Variants in ROBO2 observed in about 807,000 individuals in gnomAD.
The protein encoded by ROBO2 is roundabout homolog 2.
Under a neutral mutation model 160.8 loss-of-function variants are expected in ROBO2, and 53 were observed. The ratio of observed to expected loss-of-function variants is 0.33; its 90% confidence interval spans 0.26 to 0.41. The LOEUF is 0.41. Among genes scored for constraint, ROBO2 ranks in the 10% least tolerant of loss-of-function variants. The pLI is 1.00. For missense variants in ROBO2, 1,577 were observed against 1,722.4 expected (o/e 0.92, Z 1.49); for synonymous variants, 664 against 611.7 (o/e 1.09, Z -1.26).
intron 14 of ROBO2, among the ~76,000 whole-genome samples, chr3:77,576,017 G>A (rs1330855319): frequency 6.6e-6 from 1 of 152,066 alleles, no homozygotes; most frequent in African/African-American, 2.4e-5. Context: ...TCTGTAGAAC[G>A]AAGCTGAGTC....
chr3:75,967,943 A>T (rs1051241776), intron 2 of ROBO2, among the ~76,000 whole-genome samples: 1 of 151,640 alleles, frequency 6.6e-6, no homozygotes, highest in Non-Finnish European at 1.5e-5. Flanking sequence ...CATACAGCAA[A>T]TGCTCAATTA....
intron 2 of ROBO2, among the ~76,000 whole-genome samples, chr3:76,598,170 C>T (rs753171189): frequency 6.6e-6 from 1 of 150,872 alleles, no homozygotes; most frequent in Non-Finnish European, 1.5e-5. Context: ...AAAAGGCGAG[C>T]CCAAAAGGTT....
intron 2 of ROBO2, among the ~76,000 whole-genome samples, chr3:76,637,434 AT>A (rs1169114364): frequency 9.5e-5 from 14 of 147,512 alleles, no homozygotes; most frequent in Admixed American, 1.4e-4. Context: ...AAAAAAAAAA[AT>A]GAAAAAAAAA....
At chr3:76,873,057 C>T (rs1332088750) in intron 2 of ROBO2, among the ~76,000 whole-genome samples, 1 of 152,088 alleles carries the variant, frequency 6.6e-6, no homozygotes, top group Non-Finnish European at 1.5e-5. Context: ...TCTTATATTT[C>T]TAACTCTTAC....
At chr3:76,216,715 AC>A (rs1229193269) in intron 2 of ROBO2, among the ~76,000 whole-genome samples, 1 of 152,164 alleles carries the variant, frequency 6.6e-6, no homozygotes. Context: ...ATAATGGGAG[AC>A]TTTAACACCC....
At chr3:77,344,713 A>G (rs935634402) in intron 2 of ROBO2, among the ~76,000 whole-genome samples, 1 of 152,124 alleles carries the variant, frequency 6.6e-6, no homozygotes, top group African/African-American at 2.4e-5. Context: ...AAAAAATAGT[A>G]AGATCAGCAG....
rs1190874497 is a variant in ROBO2 at position 77,410,531 on chromosome 3, CTCCTCCTCTTCT to C, written c.389-66850_389-66839del. ...CCTCCTCTTCCTCCTCCTCCTCTTC[CTCCTCCTCTTCT>C]TCCTCCTCTTCTTCCTCCTCTTCTT... On this transcript the variant is annotated intron_variant, in intron 2 of 25. Coordinates refer to ENST00000461745, the Ensembl canonical transcript of ROBO2. Among the ~76,000 whole-genome samples, 36 of 117,076 alleles carry C rather than the reference CTCCTCCTCTTCT, an allele frequency of 3.1e-4. 1 individual carries two copies. Among genetic ancestry groups the C allele is most frequent in the South Asian group, 5.9e-4 (2 of 3,366 alleles). The allele number at this position is 117,076 out of a possible 152,430, so 76.8% of individuals were successfully genotyped here. A position where few individuals can be genotyped will look rare whatever the true frequency, so the allele number is the denominator to read the frequency against.
In ROBO2 at chr3:76,705,809, A is replaced by G. The variant is rs192647084; in HGVS notation, c.110-392205A>G. On this transcript the variant is annotated intron_variant, in intron 2 of 26. Coordinates refer to the ROBO2 transcript ENST00000487694. The stretch of plus-strand genomic sequence containing the variant: ...TCTTTCTATTTGCATAAAGTTATTG[A>G]TTAAATTTCCTATGCCACAGTTGAA... Among the ~76,000 whole-genome samples, 322 of 152,244 alleles carry G rather than the reference A, an allele frequency of 2.1e-3. 1 individual carries two copies. The highest frequency in any genetic ancestry group is 8.2e-3 in the Admixed American group (125 of 15,266).
chr3:76,812,909 A>ATTTTTTTTTTTTTTT (rs71104626), intron 2 of ROBO2, among the ~76,000 whole-genome samples: 50 of 104,656 alleles, frequency 4.8e-4, no homozygotes, highest in African/African-American at 1.8e-3. Flanking sequence ...AGAAGTATAA[A>ATTTTTTTTTTTTTTT]TTTTTTTTTT....
At position 77,608,055 on chromosome 3, in the gene ROBO2, C is replaced by T; in HGVS notation, c.3293+101C>T. 2.8e-6 allele frequency: 3 copies of T among 1,087,906 alleles called. No homozygotes were observed. The South Asian group carries it at 4.0e-5, about 14-fold the overall frequency. The allele number at this position is 1,087,906 out of a possible 1,614,324, so 67.4% of individuals were successfully genotyped here. A position where few individuals can be genotyped will look rare whatever the true frequency, so the allele number is the denominator to read the frequency against. ...TATGTTCTCTCACTGTTTCCTTTGC[C>T]CCCCACCACCATGTTCATTGCATTT... On this transcript the variant is annotated intron_variant, in intron 21 of 25. Transcript: ENST00000461745.
chr3:76,728,066 G>T (rs542195415), intron 2 of ROBO2, among the ~76,000 whole-genome samples: 1 of 151,564 alleles, frequency 6.6e-6, no homozygotes, highest in African/African-American at 2.4e-5. Context: ...AAAAAACACC[G>T]AGAAATGAAG....
chr3:76,644,485 T>A (rs951202196), intron 2 of ROBO2, among the ~76,000 whole-genome samples: 1 of 152,170 alleles, frequency 6.6e-6, no homozygotes, highest in Admixed American at 6.5e-5. Context: ...TCAGTGTACC[T>A]TGCCCTCCAT....
At chr3:77,340,002 T>G (rs1052799130) in intron 2 of ROBO2, among the ~76,000 whole-genome samples, 1 of 152,088 alleles carries the variant, frequency 6.6e-6, no homozygotes, top group African/African-American at 2.4e-5. Context: ...ATATCTGAAT[T>G]GTTCAATTTC....
intron 2 of ROBO2, among the ~76,000 whole-genome samples, chr3:77,421,644 GAGCATCCTC>G (rs565692082): frequency 4.3e-4 from 65 of 152,178 alleles, no homozygotes; most frequent in African/African-American, 1.5e-3. Context: ...TTGAACTAGT[GAGCATCCTC>G]AGCATCCTCA....
chr3:77,568,943 A>T (rs911819411), intron 13 of ROBO2, among the ~76,000 whole-genome samples: 1 of 152,028 alleles, frequency 6.6e-6, no homozygotes, highest in Non-Finnish European at 1.5e-5. Flanking sequence ...TTCACTCTGC[A>T]TAATGTTTTT....
At chr3:76,970,460 T>G (rs1247655453) in intron 2 of ROBO2, among the ~76,000 whole-genome samples, 1 of 152,170 alleles carries the variant, frequency 6.6e-6, no homozygotes, top group Non-Finnish European at 1.5e-5. Flanking sequence ...AAAGTACCCT[T>G]CTGAATACAT....
At chr3:77,206,361 G>C (rs1223068619) in intron 2 of ROBO2, among the ~76,000 whole-genome samples, 1 of 152,004 alleles carries the variant, frequency 6.6e-6, no homozygotes, top group African/African-American at 2.4e-5. Context: ...GTGGAGACGG[G>C]TTTTTACCAC....
At chr3:76,746,764 C>T (rs575023903) in intron 2 of ROBO2, among the ~76,000 whole-genome samples, 1 of 152,128 alleles carries the variant, frequency 6.6e-6, no homozygotes, top group Non-Finnish European at 1.5e-5. Flanking sequence ...AGGTATTAAG[C>T]CCAGCATGCA....
At chr3:76,914,238 T>C (rs2076174653) in intron 2 of ROBO2, among the ~76,000 whole-genome samples, 1 of 152,178 alleles carries the variant, frequency 6.6e-6, no homozygotes, top group South Asian at 2.1e-4. Context: ...TCAGATTAAA[T>C]AGATTGCACA....
Sources: gnomAD v4.1 joint callset for allele counts (sites outside exome capture counted in the v4.1 genomes callset) on GRCh38, gnomAD v4.1.1 for gene constraint, MANE v1.5 for transcripts, NCBI Gene and HGNC (gene_info 2026-07-23, HGNC 2026-07-21) for gene names.